Variants in TTF2 observed in about 807,000 individuals in gnomAD.
TTF2 encodes transcription termination factor 2.
TTF2 carries 108 observed loss-of-function variants against 142.4 expected under a neutral mutation model. The ratio of observed to expected loss-of-function variants is 0.76; its 90% CI spans 0.65 to 0.89. The LOEUF (loss-of-function observed/expected upper bound fraction) is 0.89, where lower values mean the gene tolerates loss of function less well. Among genes scored for constraint, TTF2 ranks in the 40% least tolerant of loss-of-function variants. The pLI is 0.00. For synonymous variants in TTF2, 483 were observed against 506.2 expected, an observed-to-expected ratio of 0.95 and a Z score of 0.61; for missense variants, 1,327 against 1,379.8, an observed-to-expected ratio of 0.96 and a Z score of 0.61.
chr1:117,072,502 G>T (rs761679303), intron 3 of TTF2, among the ~76,000 whole-genome samples: 6 of 138,558 alleles, frequency 4.3e-5, no homozygotes, highest in Non-Finnish European at 9.0e-5. Context: ...TCGGCTCACT[G>T]CAACCTACGC....
intron 2 of TTF2, 104 bp downstream of exon 2, chr1:117,060,661 G>A: frequency 8.5e-7 from 1 of 1,177,138 alleles, no homozygotes; most frequent in Non-Finnish European, 1.2e-6. Context: ...GAGTGGTGGG[G>A]CCCTAGTTTG....
rs780991761 is a variant in TTF2 at position 117,107,159 on chromosome 1, C to G, written c.*5635C>G. 2 of 152,168 alleles carry G rather than the reference C, an allele frequency of 1.3e-5. No individual in the cohort carries two copies. Among genetic ancestry groups the G allele is most frequent in the Non-Finnish European group, 2.9e-5 (2 of 68,032 alleles). 9.4% of individuals were successfully genotyped at this position (152,168 alleles called of 1,614,324 possible). On this transcript the variant is annotated 3_prime_UTR_variant, in exon 23 of 23. Coordinates refer to ENST00000369466, the MANE Select transcript of TTF2 (RefSeq NM_003594.4). Reference sequence around the variant, plus strand: ...TTGCCTCACCTTGGAGTCTTGGGCTCTGTTGATCACTGACTCTGCCAGGTC... The same window carrying G: ...TTGCCTCACCTTGGAGTCTTGGGCTGTGTTGATCACTGACTCTGCCAGGTC...
At chr1:117,077,523 G>T (rs975551265) in intron 7 of TTF2, among the ~76,000 whole-genome samples, 2 of 152,168 alleles carry the variant, frequency 1.3e-5, no homozygotes, top group Non-Finnish European at 2.9e-5. Context: ...ACTGAGGAGA[G>T]ACATGAGTCA....
chr1:117,078,852 T>C (rs1419180385), intron 8 of TTF2, among the ~76,000 whole-genome samples: 1 of 152,076 alleles, frequency 6.6e-6, no homozygotes, highest in Non-Finnish European at 1.5e-5. Flanking sequence ...GACTGGGACA[T>C]TGGCTGCAGA....
chr1:117,080,432 G>A lies in TTF2; in HGVS notation c.1783+783G>A, dbSNP rs969302088. Among the ~76,000 whole-genome samples the A allele has an allele frequency of 2.4e-4, 36 of 152,156 alleles. No individual in the cohort carries two copies. The highest frequency in any genetic ancestry group is 4.9e-4 in the Non-Finnish European group (33 of 68,028). On this transcript the variant is annotated intron_variant, in intron 9 of 22. Transcript: ENST00000369466. The surrounding 1 kb of genome is among the most constrained non-coding windows in gnomAD (Gnocchi z 4.3). ...TGTTTCCTGCAGAAAGGATTTCATA[G>A]GGAGTCTCTTTCTAAAGCTGCTTAT... is the stretch of plus-strand genomic sequence containing the variant.
In TTF2 at chr1:117,097,488, G is replaced by T; in HGVS notation, c.3269+55G>T. On this transcript the variant is annotated intron_variant, in intron 21 of 22. Transcript: ENST00000369466. The surrounding 1 kb of genome is among the most constrained non-coding windows in gnomAD (Gnocchi z 4.1). ...CACAGCACATCAAGGAGGCCAGTGG[G>T]CTACAGGGGCAGCAAGAACTGACTT... 6.6e-7 allele frequency: 1 copy of T among 1,521,022 alleles called. No homozygotes were observed. The highest frequency in any genetic ancestry group is 9.1e-7 in the Non-Finnish European group (1 of 1,095,274). 94.2% of individuals were successfully genotyped at this position (1,521,022 alleles called of 1,614,324 possible). A position where few individuals can be genotyped will look rare whatever the true frequency, so the allele number is the denominator to read the frequency against.
chr1:117,069,424 A>G (rs900089572), intron 3 of TTF2, among the ~76,000 whole-genome samples: 3 of 152,220 alleles, frequency 2.0e-5, no homozygotes, highest in Non-Finnish European at 2.9e-5. Flanking sequence ...GACCTTGACA[A>G]TTTTGATGGA....
In TTF2 at chr1:117,099,030, C is replaced by T. The variant is rs2101244585; in HGVS notation, c.3344+123C>T. On this transcript the variant is annotated intron_variant, in intron 22 of 22. Transcript: ENST00000369466. The surrounding 1 kb of genome is among the most constrained non-coding windows in gnomAD (Gnocchi z 4.3). ...GGTGATGACTTTACTGATGATGCCC[C>T]TGAGGCATACCTTCAGGCAAACCAC... 1 of 869,646 alleles carries T rather than the reference C, an allele frequency of 1.1e-6. No individual in the cohort carries two copies. The highest frequency in any genetic ancestry group is 3.2e-4 in the Middle Eastern group (1 of 3,166). The allele number at this position is 869,646 out of a possible 1,614,324, so 53.9% of individuals were successfully genotyped here.
rs1321629536 is a variant in TTF2 at position 117,076,535 on chromosome 1, C to A, written c.1391-106C>A. 3 of 1,251,226 alleles carry A rather than the reference C, an allele frequency of 2.4e-6. No homozygotes were observed. Among genetic ancestry groups the A allele is most frequent in the Admixed American group, 2.7e-5 (1 of 37,602 alleles). 77.5% of individuals were successfully genotyped at this position (1,251,226 alleles called of 1,614,324 possible). ...AATGCTACCTTCTCTAGGAATCCTTCATCGGAATGGTGATGATCCCTCTCT... is the reference window on the plus strand; with the variant it reads ...AATGCTACCTTCTCTAGGAATCCTTAATCGGAATGGTGATGATCCCTCTCT... On this transcript the variant is annotated intron_variant, in intron 6 of 22. Transcript: ENST00000369466. The surrounding 1 kb of genome is among the most constrained non-coding windows in gnomAD (Gnocchi z 4.6).
At chr1:117,068,822 G>A (rs939882595) in intron 3 of TTF2, among the ~76,000 whole-genome samples, 3 of 152,114 alleles carry the variant, frequency 2.0e-5, no homozygotes, top group Admixed American at 6.5e-5. Flanking sequence ...CTTGTGAGGC[G>A]GTGTACAGTA....
At chr1:117,061,752 C>T (rs913522368) in intron 2 of TTF2, among the ~76,000 whole-genome samples, 1 of 152,176 alleles carries the variant, frequency 6.6e-6, no homozygotes, top group Non-Finnish European at 1.5e-5. Context: ...GCTATACAAA[C>T]TAGCACAGTG....
chr1:117,094,406 T>TA (rs1414351680), intron 18 of TTF2, among the ~76,000 whole-genome samples: 3 of 152,096 alleles, frequency 2.0e-5, no homozygotes, highest in African/African-American at 7.2e-5. Context: ...TTGAAAGGTT[T>TA]TTCACATGAG....
rs767205731 is a variant in TTF2, at chr1:117,091,843, C to G, written c.2698C>G (p.Pro900Ala). The part of the protein sequence containing the change: ...RVALEFGSEE[P>A]RHSEAADSPR... ...GGCACTGGAGTTTGGGTCTGAGGAG[C>G]CTAGACACTCGGAGGCAGCAGACTC... The change falls in exon 17 of 23, where the codon CCT becomes GCT. Residue 900 changes from proline (P) to alanine (A), a missense_variant. Pro to Ala is a conservative substitution (Grantham distance 27). Coordinates refer to ENST00000369466, the MANE Select transcript of TTF2 (RefSeq NM_003594.4). The G allele has an allele frequency of 5.6e-6, 9 of 1,613,594 alleles. No individual in the cohort carries two copies. In the African/African-American group the frequency reaches 1.2e-4, roughly 22 times the overall value.
chr1:117,095,457 T>C, intron 19 of TTF2, 90 bp downstream of exon 19: 1 of 1,231,510 alleles, frequency 8.1e-7, no homozygotes, highest in Non-Finnish European at 1.2e-6. Flanking sequence ...GGACTGTGAG[T>C]CATGCTCAGC....
At chr1:117,078,454 C>G (rs766423367) in intron 8 of TTF2, among the ~76,000 whole-genome samples, 1 of 152,242 alleles carries the variant, frequency 6.6e-6, no homozygotes, top group African/African-American at 2.4e-5. Context: ...AAACATCACT[C>G]TAGGTCAGTG....
At position 117,097,885 on chromosome 1, in the gene TTF2, T is replaced by C. The variant is rs552454807; in HGVS notation, c.3269+452T>C. Among the ~76,000 whole-genome samples the C allele has an allele frequency of 6.6e-6, 1 of 152,346 alleles. No individual in the cohort carries two copies. Among genetic ancestry groups the C allele is most frequent in the East Asian group, 1.9e-4 (1 of 5,190 alleles). Reference sequence around the variant, plus strand: ...CTAATTATGTTAGAAATACACTTAATACCTCACCCTTGGATTCATTGTATG... The same window carrying C: ...CTAATTATGTTAGAAATACACTTAACACCTCACCCTTGGATTCATTGTATG... On this transcript the variant is annotated intron_variant, in intron 21 of 22. Transcript: ENST00000369466. This position sits in a 1 kb window ranked among gnomAD's most constrained non-coding sequence, Gnocchi z 4.1.
chr1:117,075,417 G>C lies in TTF2; in HGVS notation c.833G>C (p.Gly278Ala). ...SHNSISKPQK[G>A]GPLNKEYTNW... The stretch of plus-strand genomic sequence containing the variant: ...AACTCAATAAGCAAGCCCCAGAAAG[G>C]GGGACCCCTCAACAAGGAGTACACG... The change falls in exon 5 of 23, where the codon GGG becomes GCG. Residue 278 changes from glycine to alanine, a missense_variant. By Grantham distance (60) the Gly-to-Ala change is moderately conservative. Coordinates refer to ENST00000369466, the MANE Select transcript of TTF2 (RefSeq NM_003594.4). This position sits in a 1 kb window ranked among gnomAD's most constrained non-coding sequence, Gnocchi z 4.5. 2 of 1,614,126 alleles carry C rather than the reference G, an allele frequency of 1.2e-6. No homozygotes were observed. The highest frequency in any genetic ancestry group is 2.2e-5 in the East Asian group (1 of 44,882).
At chr1:117,091,269 G>C in intron 15 of TTF2, 59 bp from the exon 16 acceptor site, 1 of 1,453,166 alleles carries the variant, frequency 6.9e-7, no homozygotes. Flanking sequence ...TGCAGGCACA[G>C]TTAAGCAGGT....
In TTF2 at chr1:117,103,652, G is replaced by A. The variant is rs1050343176; in HGVS notation, c.*2128G>A. ...CTAGTTCTAGGTTCATCTTAGCTGG[G>A]TGTGTAACGTTGAAAAAATTGGCCG... is the stretch of plus-strand genomic sequence containing the variant. On this transcript the variant is annotated 3_prime_UTR_variant, in exon 23 of 23. Transcript: ENST00000369466. 1 of 152,172 alleles carries A rather than the reference G, an allele frequency of 6.6e-6. No individual in the cohort carries two copies. The highest frequency in any genetic ancestry group is 1.5e-5 in the Non-Finnish European group (1 of 68,064). The allele number at this position is 152,172 out of a possible 1,614,324, so 9.4% of individuals were successfully genotyped here.
Sources: gnomAD v4.1 joint callset for allele counts (sites outside exome capture counted in the v4.1 genomes callset) on GRCh38, gnomAD v4.1.1 for gene constraint, Gnocchi (gnomAD v3.1) non-coding constraint, MANE v1.5 for transcripts, NCBI Gene and HGNC (gene_info 2026-07-23, HGNC 2026-07-21) for gene names.